Variants in CAP2 observed in about 807,000 individuals in gnomAD.
CAP2 encodes the protein adenylyl cyclase-associated protein 2.
CAP2 carries 24 observed loss-of-function variants against 57.7 expected under a neutral mutation model. The ratio of observed to expected loss-of-function variants is 0.42; its 90% confidence interval spans 0.30 to 0.58. The LOEUF (loss-of-function observed/expected upper bound fraction) is 0.58, where lower values mean the gene tolerates loss of function less well. CAP2 is among the 20% of genes least tolerant of loss of function. The pLI is 0.22. For missense variants in CAP2, 501 were observed against 590.3 expected (o/e 0.85, Z 1.57); for synonymous variants, 194 against 207.2 (o/e 0.94, Z 0.55).
intron 3 of CAP2, among the ~76,000 whole-genome samples, chr6:17,437,024 C>G (rs1011926244): frequency 6.6e-6 from 1 of 152,152 alleles, no homozygotes; most frequent in Non-Finnish European, 1.5e-5. Flanking sequence ...GTCACTGTCT[C>G]CCATCACCCC....
intron 4 of CAP2, among the ~76,000 whole-genome samples, chr6:17,464,842 G>T (rs1760821128): frequency 6.6e-6 from 1 of 152,184 alleles, no homozygotes; most frequent in Non-Finnish European, 1.5e-5. Flanking sequence ...ATGTGTTGTA[G>T]ATTCAGCCTT....
chr6:17,520,329 CAA>C (rs1762361973), intron 7 of CAP2, among the ~76,000 whole-genome samples: 2 of 152,104 alleles, frequency 1.3e-5, no homozygotes, highest in African/African-American at 4.8e-5. Context: ...AGGCTGGTCT[CAA>C]ACTCCTGGGC....
At chr6:17,451,554 G>T (rs894866997) in intron 3 of CAP2, among the ~76,000 whole-genome samples, 2 of 151,726 alleles carry the variant, frequency 1.3e-5, no homozygotes, top group African/African-American at 4.8e-5. Flanking sequence ...CTGTCACCCA[G>T]GCTGGAGTGC....
At chr6:17,519,010 T>C (rs1443593010) in intron 7 of CAP2, among the ~76,000 whole-genome samples, 2 of 152,198 alleles carry the variant, frequency 1.3e-5, no homozygotes, top group African/African-American at 4.8e-5. Flanking sequence ...ACTTGCACCG[T>C]GAAAAGTTTA....
At chr6:17,547,388 C>T (rs1763070624) in intron 11 of CAP2, among the ~76,000 whole-genome samples, 1 of 151,966 alleles carries the variant, frequency 6.6e-6, no homozygotes, top group South Asian at 2.1e-4. Flanking sequence ...GTCTGTGGAA[C>T]TCCTATAGCA....
chr6:17,497,573 C>A (rs558811980), intron 4 of CAP2, among the ~76,000 whole-genome samples: 1 of 152,278 alleles, frequency 6.6e-6, no homozygotes, highest in East Asian at 1.9e-4. Context: ...TTTGTCATTG[C>A]CTAGTATTGA....
chr6:17,413,259 C>T (rs1759187205), intron 1 of CAP2, among the ~76,000 whole-genome samples: 1 of 152,174 alleles, frequency 6.6e-6, no homozygotes, highest in Non-Finnish European at 1.5e-5. Context: ...CTGGTCTCAG[C>T]TATTCTGATT....
rs146304912 is a variant in CAP2 at position 17,425,102 on chromosome 6, G to A, written c.122-1488G>A. Reference sequence around the variant, plus strand: ...AATAACTTGTTTCCATCACCCTTTGGGCCTGTGGAAATGGGTAATTGGGAA... The same window carrying A: ...AATAACTTGTTTCCATCACCCTTTGAGCCTGTGGAAATGGGTAATTGGGAA... On this transcript the variant is annotated intron_variant, in intron 2 of 12. Coordinates refer to ENST00000229922, the MANE Select transcript of CAP2 (RefSeq NM_006366.3). Among the ~76,000 whole-genome samples, 50 of 152,182 alleles carry A rather than the reference G, an allele frequency of 3.3e-4. No individual in the cohort carries two copies. The East Asian group carries it at 8.5e-3, about 26-fold the overall frequency.
intron 3 of CAP2, among the ~76,000 whole-genome samples, chr6:17,446,949 G>A (rs1202395990): frequency 6.6e-6 from 1 of 152,194 alleles, no homozygotes; most frequent in African/African-American, 2.4e-5. Flanking sequence ...TCATGGTTGA[G>A]CGGTCATAGT....
At chr6:17,444,288 G>T (rs1200512863) in intron 3 of CAP2, among the ~76,000 whole-genome samples, 1 of 152,162 alleles carries the variant, frequency 6.6e-6, no homozygotes, top group African/African-American at 2.4e-5. Context: ...TCAATGGACA[G>T]ATGAATTTAC....
chr6:17,436,727 C>T (rs537300941), intron 3 of CAP2, among the ~76,000 whole-genome samples: 64 of 152,198 alleles, frequency 4.2e-4, no homozygotes, highest in Admixed American at 7.8e-4. Flanking sequence ...CAGTGAGAAT[C>T]CAGGAGCCAA....
At chr6:17,450,422 A>C (rs757915131) in intron 3 of CAP2, among the ~76,000 whole-genome samples, 42 of 152,178 alleles carry the variant, frequency 2.8e-4, no homozygotes, top group Non-Finnish European at 5.3e-4. Context: ...TGGATATGAC[A>C]TATTTTGGAT....
intron 3 of CAP2, among the ~76,000 whole-genome samples, chr6:17,438,809 T>A (rs1479568776): frequency 3.4e-5 from 5 of 147,984 alleles, no homozygotes; most frequent in Non-Finnish European, 5.9e-5. Flanking sequence ...AGAATGTGAG[T>A]TGTCATTTAA....
At chr6:17,407,804 C>CAAAAAAAAAAAAAAAAA (rs1759022997) in intron 1 of CAP2, among the ~76,000 whole-genome samples, 1 of 114,264 alleles carries the variant, frequency 8.8e-6, no homozygotes, top group African/African-American at 3.3e-5. Context: ...AAAAAAAAAT[C>CAAAAAAAAAAAAAAAAA]AAAGTCAAGT....
At chr6:17,501,071 T>A (rs1761810220) in intron 4 of CAP2, among the ~76,000 whole-genome samples, 1 of 152,222 alleles carries the variant, frequency 6.6e-6, no homozygotes, top group African/African-American at 2.4e-5. Context: ...AATGCAAATG[T>A]CATTACCTTG....
At chr6:17,488,761 A>T (rs1761479499) in intron 4 of CAP2, among the ~76,000 whole-genome samples, 2 of 152,226 alleles carry the variant, frequency 1.3e-5, no homozygotes, top group Admixed American at 6.5e-5. Context: ...AGTTTGTGTT[A>T]GTTCTGTTGT....
At chr6:17,495,236 T>C (rs1228606501) in intron 4 of CAP2, among the ~76,000 whole-genome samples, 6 of 152,218 alleles carry the variant, frequency 3.9e-5, no homozygotes, top group African/African-American at 1.4e-4. Flanking sequence ...GCTGTCTGTA[T>C]TGTTTACTGC....
intron 3 of CAP2, among the ~76,000 whole-genome samples, chr6:17,461,217 C>CG (rs1760712238): frequency 4.8e-5 from 5 of 104,840 alleles, no homozygotes; most frequent in African/African-American, 1.7e-4. Context: ...ATCTTTGAAA[C>CG]CTTTTTTTTT....
At position 17,398,804 on chromosome 6, in the gene CAP2, G is replaced by A. The variant is rs571243239; in HGVS notation, c.-2+5058G>A. Among the ~76,000 whole-genome samples the A allele has an allele frequency of 3.3e-5, 5 of 152,192 alleles. No homozygotes were observed. In the East Asian group the frequency reaches 7.8e-4, roughly 24 times the overall value. On this transcript the variant is annotated intron_variant, in intron 1 of 12. Coordinates refer to ENST00000229922, the MANE Select transcript of CAP2 (RefSeq NM_006366.3). The stretch of plus-strand genomic sequence containing the variant: ...CTCCCAAAGTGCTGGAATTACATGC[G>A]TGAGCCACCGTGCCCGGTCCGATTT...
Sources: gnomAD v4.1 joint callset for allele counts (sites outside exome capture counted in the v4.1 genomes callset) on GRCh38, gnomAD v4.1.1 for gene constraint, MANE v1.5 for transcripts, NCBI Gene and HGNC (gene_info 2026-07-23, HGNC 2026-07-21) for gene names.